The following KIAA0319 variants were observed in gnomAD, a reference collection of about 807,000 sequenced individuals.
KIAA0319 encodes dyslexia-associated protein KIAA0319.
A neutral mutation model predicts 108.4 loss-of-function variants in KIAA0319; 83 were observed. The observed-to-expected ratio is 0.77, with a 90% confidence interval of 0.64 to 0.92. The LOEUF is 0.92. KIAA0319 is among the 40% of genes least tolerant of loss of function. The pLI, the probability that KIAA0319 is intolerant of heterozygous loss-of-function variation, is 0.00. For missense variants in KIAA0319, 1,195 were observed against 1,322.4 expected, an observed-to-expected ratio of 0.90 and a Z score of 1.49; for synonymous variants, 484 against 510.4, an observed-to-expected ratio of 0.95 and a Z score of 0.70.
At chr6:24,579,772 C>T in intron 8 of KIAA0319, 86 bp downstream of exon 8, 1 of 1,028,370 alleles carries the variant, frequency 9.7e-7, no homozygotes, top group Non-Finnish European at 1.4e-6. Context: ...GCCCATAAGT[C>T]CTCCTAGCTT....
chr6:24,580,246 G>C (rs962280811), intron 7 of KIAA0319, among the ~76,000 whole-genome samples: 1 of 152,178 alleles, frequency 6.6e-6, no homozygotes, highest in Non-Finnish European at 1.5e-5. Context: ...AGGAGCAAGG[G>C]ATGAAGGGAT....
intron 1 of KIAA0319, among the ~76,000 whole-genome samples, chr6:24,643,960 T>G (rs1313327264): frequency 6.6e-6 from 1 of 152,248 alleles, no homozygotes; most frequent in Non-Finnish European, 1.5e-5. Context: ...CCCTCTGACC[T>G]GGCAATCTGC....
chr6:24,619,919 G>A (rs965317832), intron 1 of KIAA0319, among the ~76,000 whole-genome samples: 2 of 152,146 alleles, frequency 1.3e-5, no homozygotes, highest in African/African-American at 2.4e-5. Context: ...TATAGTTCCA[G>A]CCTGACTAAA....
At chr6:24,567,195 A>G (rs1034888739) in intron 13 of KIAA0319, among the ~76,000 whole-genome samples, 1 of 150,680 alleles carries the variant, frequency 6.6e-6, no homozygotes. Flanking sequence ...AAAAAAAAAG[A>G]AAAAAAAAAT....
rs192308150 is a variant in KIAA0319, at chr6:24,602,618, G to C, written c.-105-1410C>G. 3.2e-3 allele frequency among the ~76,000 whole-genome samples: 486 copies of C among 152,244 alleles called. 2 individuals are homozygous for C. The highest frequency in any genetic ancestry group is 7.6e-3 in the African/African-American group (317 of 41,564). On this transcript the variant is annotated intron_variant, in intron 1 of 20. Transcript: ENST00000378214. ...GATCGAGACCATCCTGGCTAACACG[G>C]TGAAACCCCGTCTCTACTAAAAATA...
chr6:24,583,437 T>C (rs968380462), intron 5 of KIAA0319, among the ~76,000 whole-genome samples, 167 bp downstream of exon 5: 3 of 152,232 alleles, frequency 2.0e-5, no homozygotes, highest in Non-Finnish European at 4.4e-5. Context: ...TGAAACTATT[T>C]CAACAAATGT....
At chr6:24,624,320 G>C (rs1410248692) in intron 1 of KIAA0319, among the ~76,000 whole-genome samples, 1 of 148,904 alleles carries the variant, frequency 6.7e-6, no homozygotes, top group East Asian at 2.0e-4. Flanking sequence ...GATTACAGTT[G>C]TGAGCCGCCA....
At chr6:24,642,220 A>T (rs1404408506) in intron 1 of KIAA0319, among the ~76,000 whole-genome samples, 1 of 149,278 alleles carries the variant, frequency 6.7e-6, no homozygotes, top group African/African-American at 2.5e-5. Context: ...GAAAGGAAGG[A>T]AGGAAAGAAA....
In KIAA0319 at chr6:24,599,195, G is replaced by A; in HGVS notation, c.55+1854C>T. On this transcript the variant is annotated intron_variant, in intron 2 of 20. Coordinates refer to ENST00000378214, the MANE Select transcript of KIAA0319 (RefSeq NM_014809.4). The surrounding 1 kb of genome is among the most constrained non-coding windows in gnomAD (Gnocchi z 4.1). Reference sequence around the variant, plus strand: ...GTAGCCAGGCCGGGGCTGACAGCCTGTACCAGGTCAAGTATGAGGAGCTGC... The same window carrying A: ...GTAGCCAGGCCGGGGCTGACAGCCTATACCAGGTCAAGTATGAGGAGCTGC... 3.7e-6 allele frequency: 2 copies of A among 542,264 alleles called. No homozygotes were observed. The highest frequency in any genetic ancestry group is 4.0e-5 in the South Asian group (2 of 49,820). The allele number at this position is 542,264 out of a possible 1,614,324, so 33.6% of individuals were successfully genotyped here.
intron 1 of KIAA0319, among the ~76,000 whole-genome samples, chr6:24,641,887 T>C (rs907747815): frequency 3.3e-5 from 5 of 151,358 alleles, no homozygotes; most frequent in African/African-American, 1.2e-4. Context: ...TAACAATTAG[T>C]TGGGCTTGGT....
chr6:24,567,086 T>A (rs1433927307), intron 13 of KIAA0319, among the ~76,000 whole-genome samples: 1 of 152,280 alleles, frequency 6.6e-6, no homozygotes, highest in East Asian at 1.9e-4. Flanking sequence ...TGGCAATATT[T>A]TGGTTTACAA....
chr6:24,584,333 AT>A (rs1290054973), intron 4 of KIAA0319, among the ~76,000 whole-genome samples: 1 of 151,152 alleles, frequency 6.6e-6, no homozygotes, highest in African/African-American at 2.4e-5. Context: ...ACATTGATAT[AT>A]TCATAAATTC....
In KIAA0319 at chr6:24,550,016, G is replaced by A. The variant is rs139570968; in HGVS notation, c.3040+1418C>T. 5.3e-5 allele frequency among the ~76,000 whole-genome samples: 8 copies of A among 152,256 alleles called. No homozygotes were observed. The East Asian group carries it at 1.4e-3, about 26-fold the overall frequency. Reference sequence around the variant, plus strand: ...GGTGAGATAATGCAACCTAAAGCACGTTGAGCTCTTAGGTAAACGTCACTA... The same window carrying A: ...GGTGAGATAATGCAACCTAAAGCACATTGAGCTCTTAGGTAAACGTCACTA... On this transcript the variant is annotated intron_variant, in intron 20 of 20. Coordinates refer to ENST00000378214, the MANE Select transcript of KIAA0319 (RefSeq NM_014809.4).
chr6:24,577,201 T>C (rs1582025556), intron 9 of KIAA0319, among the ~76,000 whole-genome samples: 2 of 152,142 alleles, frequency 1.3e-5, no homozygotes, highest in Non-Finnish European at 2.9e-5. Flanking sequence ...GAAGAAACCA[T>C]CCTCACCCAA....
At chr6:24,555,331 T>A (rs1195853427) in intron 18 of KIAA0319, among the ~76,000 whole-genome samples, 1 of 152,064 alleles carries the variant, frequency 6.6e-6, no homozygotes, top group Non-Finnish European at 1.5e-5. Flanking sequence ...ACCCTGTGTC[T>A]ACTAAAAATA....
downstream of KIAA0319, among the ~76,000 whole-genome samples, chr6:24,541,031 G>GT (rs1760178116): frequency 6.6e-6 from 1 of 152,070 alleles, no homozygotes; most frequent in Non-Finnish European, 1.5e-5. Context: ...ATACAGAACT[G>GT]TTTCATCTCT....
At chr6:24,635,463 T>C (rs1029330036) in intron 1 of KIAA0319, among the ~76,000 whole-genome samples, 26 of 152,150 alleles carry the variant, frequency 1.7e-4, no homozygotes, top group African/African-American at 6.3e-4. Flanking sequence ...TATTTCAGCA[T>C]AGTGAATTTC....
chr6:24,634,967 T>G (rs1055908654), intron 1 of KIAA0319, among the ~76,000 whole-genome samples: 1 of 152,216 alleles, frequency 6.6e-6, no homozygotes, highest in African/African-American at 2.4e-5. Context: ...CAGTCAATTA[T>G]GTATTTCTCT....
Position 24,645,841 on chromosome 6 carries a change from AC to A in KIAA0319, c.-212del, listed in dbSNP as rs1777544331. The A allele has an allele frequency of 3.6e-3, 3 of 838 alleles. No homozygotes were observed. The highest frequency in any genetic ancestry group is 0.017 in the African/African-American group (3 of 178). 0.1% of individuals were successfully genotyped at this position (838 alleles called of 1,614,324 possible). On this transcript the variant is annotated 5_prime_UTR_variant, in exon 1 of 21. Coordinates refer to ENST00000378214, the MANE Select transcript of KIAA0319 (RefSeq NM_014809.4). ...CCTCCTCGTCGTCATCGCAGGTCTT[AC>A]ACACACACACACACACACACACACA...
Sources: gnomAD v4.1 joint callset for allele counts (sites outside exome capture counted in the v4.1 genomes callset) on GRCh38, gnomAD v4.1.1 for gene constraint, Gnocchi (gnomAD v3.1) non-coding constraint, MANE v1.5 for transcripts, NCBI Gene and HGNC (gene_info 2026-07-23, HGNC 2026-07-21) for gene names.